VPS13B: variants seen among roughly 807,000 people sequenced by gnomAD.
VPS13B encodes vacuolar protein sorting 13 homolog B, also known as intermembrane lipid transfer protein VPS13B.
Under a neutral mutation model 426.4 loss-of-function variants are expected in VPS13B, and 285 were observed. That is an observed-to-expected ratio of 0.67 (90% CI 0.61 to 0.74). The LOEUF (loss-of-function observed/expected upper bound fraction) is 0.74. VPS13B is among the 30% of genes least tolerant of loss of function. The probability of loss-of-function intolerance (pLI) is 0.00; values close to 1 mark genes in which losing one functional copy is unlikely to be tolerated. For missense variants in VPS13B, 4,537 were observed against 4,782.6 expected, an observed-to-expected ratio of 0.95 and a Z score of 1.51; for synonymous variants, 1,676 against 1,676.4, an observed-to-expected ratio of 1.00 and a Z score of 0.01.
At chr8:99,762,173 A>G (rs1319399681) in intron 39 of VPS13B, among the ~76,000 whole-genome samples, 1 of 152,074 alleles carries the variant, frequency 6.6e-6, no homozygotes, top group Non-Finnish European at 1.5e-5. Flanking sequence ...CCACAAGAAC[A>G]TGCCATCATG....
intron 19 of VPS13B, among the ~76,000 whole-genome samples, chr8:99,311,278 A>G (rs771475793): frequency 6.6e-6 from 1 of 152,012 alleles, no homozygotes; most frequent in Non-Finnish European, 1.5e-5. Flanking sequence ...TTGATTTTAG[A>G]TCTTTCCTGC....
intron 31 of VPS13B, among the ~76,000 whole-genome samples, chr8:99,559,953 G>C (rs941484924): frequency 3.3e-5 from 5 of 152,128 alleles, no homozygotes; most frequent in African/African-American, 1.2e-4. Flanking sequence ...GAAAGTCATT[G>C]GTAGCTTGAT....
chr8:99,657,289 C>G (rs1214942244), intron 34 of VPS13B, among the ~76,000 whole-genome samples: 1 of 152,152 alleles, frequency 6.6e-6, no homozygotes, highest in Non-Finnish European at 1.5e-5. Context: ...CTTTGCTATT[C>G]CCCCAGTTTA....
chr8:99,216,207 A>G (rs976665269), intron 17 of VPS13B, among the ~76,000 whole-genome samples: 2 of 152,162 alleles, frequency 1.3e-5, no homozygotes, highest in Admixed American at 1.3e-4. Flanking sequence ...ACTATGCTTA[A>G]GCCACATCGA....
intron 24 of VPS13B, among the ~76,000 whole-genome samples, chr8:99,481,229 T>A (rs1381008789): frequency 6.6e-6 from 1 of 152,238 alleles, no homozygotes; most frequent in Non-Finnish European, 1.5e-5. Flanking sequence ...TGGTAGTTAT[T>A]TCATATTATG....
In VPS13B at chr8:99,642,042, G is replaced by A; in HGVS notation, c.5452G>A (p.Ala1818Thr). ...NFIPFDIFIT[A>T]SRISLMTYSC... ...TATTCCCTTTGACATATTTATTACT[G>A]CAAGTAGAATCTCACTAATGACCTA... is the stretch of plus-strand genomic sequence containing the variant. The change falls in exon 34 of 62, where the codon GCA (alanine) becomes ACA (threonine). Residue 1818 changes from alanine to threonine, a missense_variant. Ala to Thr is a moderately conservative substitution (Grantham distance 58). Around this residue, in one of 2 missense-constraint regions of VPS13B, gnomAD observed 4,311 missense variants for 4,474.3 expected, o/e 0.96. Transcript: ENST00000357162. 1.2e-6 allele frequency: 2 copies of A among 1,614,018 alleles called. No homozygotes were observed. Among genetic ancestry groups the A allele is most frequent in the Non-Finnish European group, 8.5e-7 (1 of 1,180,000 alleles).
chr8:99,096,515 G>A lies in VPS13B; in HGVS notation c.412+83G>A, dbSNP rs564757590. 270 of 1,580,700 alleles carry A rather than the reference G, an allele frequency of 1.7e-4. 2 individuals carry two copies. Among genetic ancestry groups the A allele is most frequent in the Middle Eastern group, 1.5e-3 (9 of 5,924 alleles). ...TCATGCCTGTAATCCCAGTGCTTTG[G>A]GGGGCTGAGGCGGGTGGATTACTTG... On this transcript the variant is annotated intron_variant, in intron 4 of 61. Coordinates refer to ENST00000357162, the MANE Select transcript of VPS13B (RefSeq NM_152564.5).
intron 30 of VPS13B, among the ~76,000 whole-genome samples, chr8:99,548,710 T>C (rs1015579213): frequency 6.6e-6 from 1 of 151,878 alleles, no homozygotes; most frequent in Admixed American, 6.6e-5. Flanking sequence ...AAAATAGAGA[T>C]TAGTGACTAT....
chr8:99,190,223 A>G (rs1341959190), intron 16 of VPS13B, among the ~76,000 whole-genome samples: 1 of 151,694 alleles, frequency 6.6e-6, no homozygotes, highest in Non-Finnish European at 1.5e-5. Flanking sequence ...TTAATGTGTA[A>G]CTCTTTTTTG....
At chr8:99,086,472 G>A (rs1054550316) in intron 3 of VPS13B, among the ~76,000 whole-genome samples, 1 of 152,168 alleles carries the variant, frequency 6.6e-6, no homozygotes, top group African/African-American at 2.4e-5. Flanking sequence ...CAAAGTCATT[G>A]TCCGTCCAGC....
chr8:99,419,639 A>G (rs1816265007), intron 21 of VPS13B, among the ~76,000 whole-genome samples: 1 of 152,228 alleles, frequency 6.6e-6, no homozygotes, highest in South Asian at 2.1e-4. Context: ...CATGAACAGA[A>G]AGGAAAAATA....
At chr8:99,678,125 CTT>C in intron 35 of VPS13B, among the ~76,000 whole-genome samples, 1 of 152,168 alleles carries the variant, frequency 6.6e-6, no homozygotes, top group Admixed American at 6.5e-5. Context: ...CATTTTCTCT[CTT>C]CTCTCTCCTT....
At chr8:99,532,981 C>T (rs2133699857) in intron 30 of VPS13B, among the ~76,000 whole-genome samples, 1 of 145,064 alleles carries the variant, frequency 6.9e-6, no homozygotes, top group Admixed American at 6.9e-5. Context: ...ACTCCGTCGG[C>T]CAGGCTGGAG....
In VPS13B at chr8:99,442,826, CAT is replaced by C. The variant is rs202199007; in HGVS notation, c.3445+194_3445+195del. ...CCTTTTAATCTTAGTCATATATTCA[CAT>C]ATGTTATCTGTAAAAGATCATATGC... On this transcript the variant is annotated intron_variant, in intron 23 of 61. Coordinates refer to ENST00000357162, the MANE Select transcript of VPS13B (RefSeq NM_152564.5). Among the ~76,000 whole-genome samples the C allele has an allele frequency of 6.8e-3, 1,032 of 152,122 alleles. 13 individuals carry two copies. Among genetic ancestry groups the C allele is most frequent in the African/African-American group, 0.024 (980 of 41,484 alleles).
In VPS13B at chr8:99,769,772, G is replaced by T. The variant is rs1248509734; in HGVS notation, c.7247+2802G>T. On this transcript the variant is annotated intron_variant, in intron 40 of 61. Transcript: ENST00000357162. ...ATATGCTATTTGGTGTTGTGAGATT[G>T]ATTTCTAAACTGAGACTTTAAGGAA... Among the ~76,000 whole-genome samples, 7 of 152,248 alleles carry T rather than the reference G, an allele frequency of 4.6e-5. No individual in the cohort carries two copies. In the East Asian group the frequency reaches 1.4e-3, roughly 29 times the overall value.
At chr8:99,309,338 C>T (rs560416278) in intron 19 of VPS13B, among the ~76,000 whole-genome samples, 1 of 152,030 alleles carries the variant, frequency 6.6e-6, no homozygotes, top group Non-Finnish European at 1.5e-5. Flanking sequence ...GTCTTTAATC[C>T]ATCGTGAATT....
chr8:99,717,996 A>G (rs1010642780), intron 37 of VPS13B, among the ~76,000 whole-genome samples: 28 of 151,898 alleles, frequency 1.8e-4, no homozygotes, highest in Middle Eastern at 3.5e-3. Flanking sequence ...TTTGTGTACG[A>G]CTTTTTGTGT....
chr8:99,304,938 G>T (rs1820558359), intron 19 of VPS13B, among the ~76,000 whole-genome samples: 1 of 151,980 alleles, frequency 6.6e-6, no homozygotes, highest in African/African-American at 2.4e-5. Context: ...GCCTCATATT[G>T]TGTGGTATTT....
intron 61 of VPS13B, chr8:99,875,008 C>CA: frequency 3.9e-6 from 1 of 254,890 alleles, no homozygotes; most frequent in Admixed American, 5.1e-5. Context: ...GCTAGGCAAA[C>CA]AGAGCTTTTA....
Sources: allele counts gnomAD v4.1 joint callset (sites outside exome capture counted in the v4.1 genomes callset), GRCh38; gene constraint gnomAD v4.1.1; regional missense constraint gnomAD v4.1.1; transcripts MANE v1.5; gene names NCBI Gene and HGNC (gene_info 2026-07-23, HGNC 2026-07-21).